TMEM38B: variants seen among roughly 807,000 people sequenced by gnomAD.
TMEM38B encodes transmembrane protein 38B.
A neutral mutation model predicts 28.7 loss-of-function variants in TMEM38B; 24 were observed. The ratio of observed to expected loss-of-function variants is 0.84; its 90% CI spans 0.61 to 1.18. The LOEUF is 1.18. Ranked by LOEUF, TMEM38B falls within the 50% of genes most tolerant of loss-of-function variation. The pLI is 0.00. For missense variants in TMEM38B, 380 were observed against 350.9 expected, an observed-to-expected ratio of 1.08 and a Z score of -0.66; for synonymous variants, 131 against 127.7, an observed-to-expected ratio of 1.03 and a Z score of -0.17.
intron 5 of TMEM38B, among the ~76,000 whole-genome samples, chr9:105,768,101 C>G (rs1169494925): frequency 3.9e-5 from 6 of 152,002 alleles, no homozygotes; most frequent in Non-Finnish European, 5.9e-5. Flanking sequence ...AGGAAGTTCT[C>G]TTTTATTTCT....
intron 1 of TMEM38B, among the ~76,000 whole-genome samples, chr9:105,700,271 T>C (rs1203490631): frequency 6.6e-6 from 1 of 152,214 alleles, no homozygotes; most frequent in Non-Finnish European, 1.5e-5. Flanking sequence ...GTGCTTTTTC[T>C]TTATTTTTGA....
chr9:105,744,876 T>C (rs1161891988), intron 4 of TMEM38B, among the ~76,000 whole-genome samples: 1 of 152,212 alleles, frequency 6.6e-6, no homozygotes, highest in Admixed American at 6.5e-5. Context: ...CTGAGAATGA[T>C]GGTTTCCAGC....
chr9:105,731,378 C>G (rs1186463082), intron 4 of TMEM38B, among the ~76,000 whole-genome samples: 4 of 151,902 alleles, frequency 2.6e-5, no homozygotes, highest in African/African-American at 9.7e-5. Context: ...CATATGTATA[C>G]ATGTGTCATG....
At chr9:105,698,534 A>T (rs914525941) in intron 1 of TMEM38B, among the ~76,000 whole-genome samples, 1 of 151,998 alleles carries the variant, frequency 6.6e-6, no homozygotes, top group Non-Finnish European at 1.5e-5. Flanking sequence ...AGTGAATTAC[A>T]TTATTACGTT....
chr9:105,713,613 G>T (rs1178243200), intron 2 of TMEM38B, among the ~76,000 whole-genome samples: 3 of 152,192 alleles, frequency 2.0e-5, no homozygotes, highest in East Asian at 1.9e-4. Flanking sequence ...GGTGCCAACA[G>T]CCTGGACATG....
intron 5 of TMEM38B, among the ~76,000 whole-genome samples, chr9:105,754,529 T>C (rs1004041284): frequency 9.9e-5 from 15 of 152,150 alleles, no homozygotes; most frequent in African/African-American, 3.6e-4. Flanking sequence ...TGAACGACTC[T>C]TGGGTAATTA....
chr9:105,750,376 C>A (rs1283743748), intron 5 of TMEM38B, among the ~76,000 whole-genome samples: 1 of 152,024 alleles, frequency 6.6e-6, no homozygotes, highest in Non-Finnish European at 1.5e-5. Context: ...ATAATCCCAG[C>A]ACTTTGGGAA....
At position 105,744,294 on chromosome 9, in the gene TMEM38B, CAT is replaced by C. The variant is rs563112939; in HGVS notation, c.543-3778_543-3777del. ...AAATTTATAGGAGTAAAAAATGAGA[CAT>C]GTTTTCATAGATTTTCTATTCTTTC... is the stretch of plus-strand genomic sequence containing the variant. On this transcript the variant is annotated intron_variant, in intron 4 of 5. Transcript: ENST00000374692. Among the ~76,000 whole-genome samples, 5 of 151,804 alleles carry C rather than the reference CAT, an allele frequency of 3.3e-5. No homozygotes were observed. The South Asian group carries it at 1.0e-3, about 31-fold the overall frequency.
intron 1 of TMEM38B, among the ~76,000 whole-genome samples, chr9:105,705,083 G>A (rs902095278): frequency 6.6e-6 from 1 of 152,132 alleles, no homozygotes; most frequent in African/African-American, 2.4e-5. Context: ...GTTAAGACTC[G>A]TGTTGAGGTA....
At position 105,705,721 on chromosome 9, in the gene TMEM38B, C is replaced by T. The variant is rs774533828; in HGVS notation, c.237C>T (p.Asn79=). 1 of 1,613,786 alleles carries T rather than the reference C, an allele frequency of 6.2e-7. No individual in the cohort carries two copies. The highest frequency in any genetic ancestry group is 8.5e-7 in the Non-Finnish European group (1 of 1,180,002). The change falls in exon 2 of 6, where the codon AAC becomes AAT. Residue 79 remains asparagine (N), a synonymous_variant. Transcript: ENST00000374692. ...LAEPPLKFLA[N]HTNILLASSI... ...AGCCTCCATTGAAGTTTCTTGCAAA[C>T]CACACTAACATATTACTGGCATCTT...
chr9:105,722,280 G>A (rs2133578368), intron 3 of TMEM38B, among the ~76,000 whole-genome samples: 1 of 152,234 alleles, frequency 6.6e-6, no homozygotes, highest in East Asian at 1.9e-4. Context: ...TTATTTTTCA[G>A]TTCTGAAACA....
chr9:105,724,253 T>C (rs1836428827), intron 4 of TMEM38B, among the ~76,000 whole-genome samples: 1 of 152,186 alleles, frequency 6.6e-6, no homozygotes, highest in South Asian at 2.1e-4. Context: ...ATGGTGGCTG[T>C]AATAAGCAAG....
At chr9:105,711,830 A>G (rs372786108) in intron 2 of TMEM38B, among the ~76,000 whole-genome samples, 2 of 151,992 alleles carry the variant, frequency 1.3e-5, no homozygotes, top group Non-Finnish European at 2.9e-5. Context: ...CAAAAAAAAA[A>G]AAAAAAGATA....
intron 4 of TMEM38B, among the ~76,000 whole-genome samples, chr9:105,728,553 G>A (rs1836612824): frequency 6.6e-6 from 1 of 152,144 alleles, no homozygotes; most frequent in Non-Finnish European, 1.5e-5. Context: ...AAACATACGT[G>A]TGCATGTGTC....
In TMEM38B at chr9:105,730,965, T is replaced by C. The variant is rs554147626; in HGVS notation, c.542+8344T>C. ...TTTGATTCTTCTCTCTTTTCTTCTT[T>C]ATTAGTCTTGCTAGCCATCTATCTA... is the stretch of plus-strand genomic sequence containing the variant. On this transcript the variant is annotated intron_variant, in intron 4 of 5. Coordinates refer to ENST00000374692, the MANE Select transcript of TMEM38B (RefSeq NM_018112.3). Among the ~76,000 whole-genome samples, 37 of 152,312 alleles carry C rather than the reference T, an allele frequency of 2.4e-4. 1 individual carries two copies. The South Asian group carries it at 6.6e-3, about 27-fold the overall frequency.
intron 5 of TMEM38B, among the ~76,000 whole-genome samples, chr9:105,767,042 C>T (rs982491695): frequency 1.3e-5 from 2 of 151,978 alleles, no homozygotes; most frequent in Admixed American, 6.6e-5. Flanking sequence ...TTTCCAGCTT[C>T]ATCTATGTCC....
chr9:105,763,799 T>C (rs1309868791), intron 5 of TMEM38B, among the ~76,000 whole-genome samples: 1 of 151,822 alleles, frequency 6.6e-6, no homozygotes, highest in Admixed American at 6.6e-5. Context: ...TTTAGACCAA[T>C]ATCCTTGATG....
At chr9:105,739,717 G>A (rs892084798) in intron 4 of TMEM38B, among the ~76,000 whole-genome samples, 8 of 151,846 alleles carry the variant, frequency 5.3e-5, no homozygotes, top group East Asian at 1.9e-4. Context: ...TAGAGAAAGC[G>A]TTTCACCATG....
chr9:105,703,138 G>A (rs1159222719), intron 1 of TMEM38B, among the ~76,000 whole-genome samples: 1 of 152,154 alleles, frequency 6.6e-6, no homozygotes, highest in Non-Finnish European at 1.5e-5. Flanking sequence ...CTTAAGGTAG[G>A]ACAGAGAAAT....
Sources: allele counts gnomAD v4.1 joint callset (sites outside exome capture counted in the v4.1 genomes callset), GRCh38; gene constraint gnomAD v4.1.1; transcripts MANE v1.5; gene names NCBI Gene and HGNC (gene_info 2026-07-23, HGNC 2026-07-21).